The following GNAI2 variants were observed in gnomAD, a reference collection of about 807,000 sequenced individuals.
GNAI2 encodes guanine nucleotide-binding protein G(i) subunit alpha-2.
In GNAI2, 4 loss-of-function variants were observed where a neutral mutation model predicts 36.8. That is an observed-to-expected ratio of 0.11 (90% confidence interval 0.05 to 0.25). GNAI2 has a LOEUF of 0.25. GNAI2 is among the 10% of genes least tolerant of loss of function. GNAI2 has a pLI of 1.00. For missense variants in GNAI2, 230 were observed against 481.3 expected (o/e 0.48, Z 4.89); for synonymous variants, 194 against 194.1 (o/e 1.00, Z 0.01).
intron 1 of GNAI2, among the ~76,000 whole-genome samples, chr3:50,244,220 G>A (rs1700363726): frequency 6.6e-6 from 1 of 151,954 alleles, no homozygotes; most frequent in South Asian, 2.1e-4. Flanking sequence ...ATAGAGACGG[G>A]GTTTCACCAT....
Position 50,252,390 on chromosome 3 carries a change from C to G in GNAI2, c.162-7C>G, listed in dbSNP as rs781863081. On this transcript the variant is annotated splice_polypyrimidine_tract_variant and splice_region_variant and intron_variant, in intron 2 of 8. Transcript: ENST00000313601. This position sits in a 1 kb window ranked among gnomAD's most constrained non-coding sequence, Gnocchi z 4.1. ...GGACACTAACCTTCCTGGTCCCTGGCTATCAGGATCATCCACGAGGATGGC... is the reference window on the plus strand; with the variant it reads ...GGACACTAACCTTCCTGGTCCCTGGGTATCAGGATCATCCACGAGGATGGC... The G allele has an allele frequency of 6.2e-7, 1 of 1,613,518 alleles. No individual in the cohort carries two copies.
rs775024810 is a variant in GNAI2, at chr3:50,255,911, C to T, written c.465-281C>T. 6.6e-6 allele frequency among the ~76,000 whole-genome samples: 1 copy of T among 151,626 alleles called. No homozygotes were observed. Among genetic ancestry groups the T allele is most frequent in the South Asian group, 2.1e-4 (1 of 4,810 alleles). On this transcript the variant is annotated intron_variant, in intron 4 of 8. Transcript: ENST00000313601. The surrounding 1 kb of genome is among the most constrained non-coding windows in gnomAD (Gnocchi z 4.0). ...ACTAAAAATACAAAAATTAGCTGGGCGGCAGGCGCCTGTAGTCCCAGCTAC... is the reference window on the plus strand; with the variant it reads ...ACTAAAAATACAAAAATTAGCTGGGTGGCAGGCGCCTGTAGTCCCAGCTAC...
chr3:50,242,275 T>TG lies in GNAI2; in HGVS notation c.118+5828dup, dbSNP rs1423550402. On this transcript the variant is annotated intron_variant, in intron 1 of 8. Coordinates refer to ENST00000313601, the MANE Select transcript of GNAI2 (RefSeq NM_002070.4). This position sits in a 1 kb window ranked among gnomAD's most constrained non-coding sequence, Gnocchi z 4.8. ...GCCTCCCCTACATCCCGTTGTGCTG[T>TG]GGGGGGAGGCAGGACCGGGCAGATG... is the stretch of plus-strand genomic sequence containing the variant. Among the ~76,000 whole-genome samples the TG allele has an allele frequency of 6.6e-6, 1 of 151,598 alleles. No individual in the cohort carries two copies. Among genetic ancestry groups the TG allele is most frequent in the African/African-American group, 2.4e-5 (1 of 41,228 alleles).
At chr3:50,231,402 G>C (rs587653367), upstream of GNAI2, among the ~76,000 whole-genome samples, 4 of 152,246 alleles carry the variant, frequency 2.6e-5, no homozygotes, top group South Asian at 8.3e-4. Flanking sequence ...CCTCAGCCTC[G>C]CAAGTAGCCG....
At position 50,253,276 on chromosome 3, in the gene GNAI2, C is replaced by A; in HGVS notation, c.464+92C>A. ...GGGCCTGAGAACCCCCAGAAGGACA[C>A]TGCTGGTCTTTGCTTATGAAACCGA... is the stretch of plus-strand genomic sequence containing the variant. On this transcript the variant is annotated intron_variant, in intron 4 of 8. Coordinates refer to ENST00000313601, the MANE Select transcript of GNAI2 (RefSeq NM_002070.4). This position sits in a 1 kb window ranked among gnomAD's most constrained non-coding sequence, Gnocchi z 4.2. 1 of 1,006,396 alleles carries A rather than the reference C, an allele frequency of 9.9e-7. No homozygotes were observed. The highest frequency in any genetic ancestry group is 1.4e-6 in the Non-Finnish European group (1 of 695,820). The allele number at this position is 1,006,396 out of a possible 1,614,324, so 62.3% of individuals were successfully genotyped here. A position where few individuals can be genotyped will look rare whatever the true frequency, so the allele number is the denominator to read the frequency against.
upstream of GNAI2, among the ~76,000 whole-genome samples, chr3:50,233,896 T>C (rs1383524285): frequency 7.0e-6 from 1 of 143,822 alleles, no homozygotes; most frequent in Non-Finnish European, 1.5e-5. Context: ...AAGGTTCTTT[T>C]TTTTTTTTTT....
In GNAI2 at chr3:50,238,632, G is replaced by A. The variant is rs1158010184; in HGVS notation, c.118+2179G>A. Among the ~76,000 whole-genome samples, 2 of 152,330 alleles carry A rather than the reference G, an allele frequency of 1.3e-5. No individual in the cohort carries two copies. Among genetic ancestry groups the A allele is most frequent in the East Asian group, 3.9e-4 (2 of 5,182 alleles). On this transcript the variant is annotated intron_variant, in intron 1 of 8. Coordinates refer to ENST00000313601, the MANE Select transcript of GNAI2 (RefSeq NM_002070.4). This position sits in a 1 kb window ranked among gnomAD's most constrained non-coding sequence, Gnocchi z 5.0. Reference sequence around the variant, plus strand: ...AAGAGCCTCCTGGTGGTTCTTGTTGGGGATGTAGGTTGGGAGTAAAGACCC... The same window carrying A: ...AAGAGCCTCCTGGTGGTTCTTGTTGAGGATGTAGGTTGGGAGTAAAGACCC...
chr3:50,250,810 C>CTT (rs782677693), intron 1 of GNAI2, among the ~76,000 whole-genome samples: 3 of 136,644 alleles, frequency 2.2e-5, no homozygotes. Flanking sequence ...TGGGAGTCTG[C>CTT]TTTTTTTTTT....
intron 8 of GNAI2, 98 bp downstream of exon 8, chr3:50,257,812 A>C: frequency 7.5e-4 from 78 of 103,964 alleles, no homozygotes; most frequent in East Asian, 3.0e-3. Flanking sequence ...GTGAACCTGG[A>C]GGGGGAGGGG....
intron 1 of GNAI2, among the ~76,000 whole-genome samples, chr3:50,249,753 G>A (rs1227643552): frequency 1.3e-5 from 2 of 152,366 alleles, no homozygotes; most frequent in East Asian, 3.9e-4. Flanking sequence ...CCCTCATCCT[G>A]GAAAGCAGGC....
chr3:50,236,056 C>A, upstream of GNAI2: 1 of 429,272 alleles, frequency 2.3e-6, no homozygotes, highest in Non-Finnish European at 3.3e-6. The surrounding 1 kb of genome is among the most constrained non-coding windows in gnomAD (Gnocchi z 4.0). Flanking sequence ...TCCCCCTTCG[C>A]TCCGCCCTCG....
chr3:50,232,624 T>C (rs958369593), upstream of GNAI2, among the ~76,000 whole-genome samples: 1 of 152,278 alleles, frequency 6.6e-6, no homozygotes, highest in East Asian at 1.9e-4. Flanking sequence ...CCAGTGTGTG[T>C]GGGGGCTTCA....
chr3:50,255,466 C>T lies in GNAI2; in HGVS notation c.465-726C>T, dbSNP rs989342478. On this transcript the variant is annotated intron_variant, in intron 4 of 8. Transcript: ENST00000313601. The surrounding 1 kb of genome is among the most constrained non-coding windows in gnomAD (Gnocchi z 4.0). ...CCTGTCCAGCACCACATCGAGGGAC[C>T]GCACCCGGCTGCTCTGCGGCTAATG... 3.9e-5 allele frequency among the ~76,000 whole-genome samples: 6 copies of T among 152,316 alleles called. No individual in the cohort carries two copies. The highest frequency in any genetic ancestry group is 1.9e-4 in the East Asian group (1 of 5,176).
Position 50,230,898 on chromosome 3 carries a change from G to A in GNAI2, c.-139G>A, listed in dbSNP as rs1700056848. 5 of 985,216 alleles carry A rather than the reference G, an allele frequency of 5.1e-6. No individual in the cohort carries two copies. In the South Asian group the frequency reaches 2.3e-4, roughly 46 times the overall value. 61.0% of individuals were successfully genotyped at this position (985,216 alleles called of 1,614,324 possible). A position where few individuals can be genotyped will look rare whatever the true frequency, so the allele number is the denominator to read the frequency against. On this transcript the variant is annotated 5_prime_UTR_variant, in exon 1 of 9. Transcript: ENST00000266027. ...CTCCTGAAAGGACTCCTGGATTCCTGAGTATGAAGAAACTGAGATGCCCAC... is the reference window on the plus strand; with the variant it reads ...CTCCTGAAAGGACTCCTGGATTCCTAAGTATGAAGAAACTGAGATGCCCAC...
chr3:50,230,605 A>T, upstream of GNAI2: 1 of 153,844 alleles, frequency 6.5e-6, no homozygotes, highest in Non-Finnish European at 1.4e-5. Context: ...GCTCAGGGCT[A>T]CTGCTCGATA....
At chr3:50,228,775 CA>C (rs1559760626), upstream of GNAI2, among the ~76,000 whole-genome samples, 4 of 152,280 alleles carry the variant, frequency 2.6e-5, no homozygotes, top group South Asian at 8.3e-4. Context: ...GATAGCTTTT[CA>C]AAAGCTTTTT....
chr3:50,253,325 G>A lies in GNAI2; in HGVS notation c.464+141G>A. On this transcript the variant is annotated intron_variant, in intron 4 of 8. Transcript: ENST00000313601. This position sits in a 1 kb window ranked among gnomAD's most constrained non-coding sequence, Gnocchi z 4.2. Reference sequence around the variant, plus strand: ...GATGACTGTTAACCAAGGCCTTCCTGTTTTTTGGTTTGGGGGGTGGGTGGG... The same window carrying A: ...GATGACTGTTAACCAAGGCCTTCCTATTTTTTGGTTTGGGGGGTGGGTGGG... 1 of 298,022 alleles carries A rather than the reference G, an allele frequency of 3.4e-6. No homozygotes were observed. The highest frequency in any genetic ancestry group is 6.7e-5 in the East Asian group (1 of 14,840). 18.5% of individuals were successfully genotyped at this position (298,022 alleles called of 1,614,324 possible).
At position 50,252,358 on chromosome 3, in the gene GNAI2, G is replaced by C. The variant is rs1700580110; in HGVS notation, c.162-39G>C. 6.2e-7 allele frequency: 1 copy of C among 1,608,530 alleles called. No homozygotes were observed. The highest frequency in any genetic ancestry group is 8.5e-7 in the Non-Finnish European group (1 of 1,175,912). ...CCAGGCAGCCGTGGGAACTCCCAGT[G>C]CCCAGGGGACACTAACCTTCCTGGT... is the stretch of plus-strand genomic sequence containing the variant. On this transcript the variant is annotated intron_variant, in intron 2 of 8. Transcript: ENST00000313601. The surrounding 1 kb of genome is among the most constrained non-coding windows in gnomAD (Gnocchi z 4.1).
rs587735019 is a variant in GNAI2 at position 50,237,699 on chromosome 3, C to T, written c.118+1246C>T. On this transcript the variant is annotated intron_variant, in intron 1 of 8. Transcript: ENST00000313601. ...CAAAGACGGTGGGCCTACTGGCTGT[C>T]CCCATCCAGCTTCCCACTGGAAGTA... 2.0e-5 allele frequency among the ~76,000 whole-genome samples: 3 copies of T among 151,326 alleles called. No individual in the cohort carries two copies. In the East Asian group the frequency reaches 5.9e-4, roughly 30 times the overall value.
Sources: gnomAD v4.1 joint callset for allele counts (sites outside exome capture counted in the v4.1 genomes callset) on GRCh38, gnomAD v4.1.1 for gene constraint, Gnocchi (gnomAD v3.1) non-coding constraint, MANE v1.5 for transcripts, NCBI Gene and HGNC (gene_info 2026-07-23, HGNC 2026-07-21) for gene names.